TNS3: variants seen among roughly 807,000 people sequenced by gnomAD.
The protein encoded by TNS3 is tensin-3.
A neutral mutation model predicts 140.9 loss-of-function variants in TNS3; 45 were observed. The ratio of observed to expected loss-of-function variants is 0.32; its 90% CI spans 0.25 to 0.41. The LOEUF (loss-of-function observed/expected upper bound fraction) is 0.41. Among genes scored for constraint, TNS3 ranks in the 10% least tolerant of loss-of-function variants. TNS3 has a pLI of 1.00. For synonymous variants in TNS3, 815 were observed against 788.4 expected, an observed-to-expected ratio of 1.03 and a Z score of -0.56; for missense variants, 1,716 against 1,906.7, an observed-to-expected ratio of 0.90 and a Z score of 1.86.
chr7:47,486,817 T>G lies in TNS3; in HGVS notation c.-114-5676A>C, dbSNP rs143939500. Among the ~76,000 whole-genome samples, 33 of 152,360 alleles carry G rather than the reference T, an allele frequency of 2.2e-4. No individual in the cohort carries two copies. In the East Asian group the frequency reaches 2.5e-3, roughly 12 times the overall value. ...TAAACAGCCATATAGAAAGTGACATTTTTCCATCAGTTTCTCTAAAGCCGT... is the reference window on the plus strand; with the variant it reads ...TAAACAGCCATATAGAAAGTGACATGTTTCCATCAGTTTCTCTAAAGCCGT... On this transcript the variant is annotated intron_variant, in intron 3 of 30. Transcript: ENST00000311160.
rs1268020822 is a variant in TNS3, at chr7:47,368,879, C to A, written c.1767G>T (p.Trp589Cys). The change falls in exon 17 of 31, where the codon TGG (tryptophan) becomes TGT (cysteine). Residue 589 changes from tryptophan to cysteine, a missense_variant. Transcript: ENST00000311160. ...YGQSSYSTQT[W>C]VRQQQMVVAH... is the part of the protein sequence containing the mutation. ...CTACAACCATCTGCTGCTGGCGCAC[C>A]CAGGTCTGTGTGGAGTAGCTGCTCT... The A allele has an allele frequency of 1.2e-6, 2 of 1,613,754 alleles. No homozygotes were observed. Among genetic ancestry groups the A allele is most frequent in the African/African-American group, 2.7e-5 (2 of 75,050 alleles).
chr7:47,425,094 G>A (rs1159104098), intron 9 of TNS3, among the ~76,000 whole-genome samples: 4 of 152,174 alleles, frequency 2.6e-5, no homozygotes, highest in Non-Finnish European at 4.4e-5. Context: ...CAAGGCGGGC[G>A]GATCACCTGA....
intron 1 of TNS3, chr7:47,579,713 C>G (rs958868696): frequency 2.8e-6 from 1 of 353,104 alleles, no homozygotes. Context: ...CATTCAGATC[C>G]CTAACTGTTC....
intron 4 of TNS3, among the ~76,000 whole-genome samples, chr7:47,469,566 T>C (rs1157577648): frequency 2.0e-5 from 3 of 152,182 alleles, no homozygotes; most frequent in African/African-American, 4.8e-5. Flanking sequence ...CCCAAAGAAA[T>C]ATAGATCATT....
intron 16 of TNS3, among the ~76,000 whole-genome samples, chr7:47,383,249 C>G (rs1791879406): frequency 6.6e-6 from 1 of 152,170 alleles, no homozygotes; most frequent in African/African-American, 2.4e-5. Context: ...TGGAGCGTAA[C>G]AGGAATGCAG....
rs1355107350 is a variant in TNS3, at chr7:47,275,192, T to A, written c.*2884A>T. On this transcript the variant is annotated 3_prime_UTR_variant, in exon 31 of 31. Coordinates refer to ENST00000311160, the MANE Select transcript of TNS3 (RefSeq NM_022748.12). ...AATTTTATTATACTCTGAATAGAGA[T>A]GATATTTAAGGAGCAGAGAAAATGA... 1 of 152,626 alleles carries A rather than the reference T, an allele frequency of 6.6e-6. No homozygotes were observed. The highest frequency in any genetic ancestry group is 1.5e-5 in the Non-Finnish European group (1 of 68,042). The allele number at this position is 152,626 out of a possible 1,614,324, so 9.5% of individuals were successfully genotyped here.
chr7:47,470,724 G>A (rs1045121409), intron 4 of TNS3: 1 of 927,392 alleles, frequency 1.1e-6, no homozygotes. Context: ...CTCCTAGCCG[G>A]AGTGGGTTTT....
intron 24 of TNS3, 132 bp from the exon 25 acceptor site, chr7:47,293,960 A>G: frequency 1.2e-6 from 1 of 800,940 alleles, no homozygotes; most frequent in Admixed American, 2.3e-5. Flanking sequence ...AGTCACTGCA[A>G]AAGAGGCTGC....
intron 1 of TNS3, among the ~76,000 whole-genome samples, chr7:47,533,014 T>A (rs951857891): frequency 2.0e-5 from 3 of 149,398 alleles, no homozygotes; most frequent in African/African-American, 7.4e-5. Flanking sequence ...AGTAGCAGTA[T>A]GACAGATTCA....
chr7:47,444,131 C>T (rs1795604838), intron 4 of TNS3, among the ~76,000 whole-genome samples: 1 of 152,176 alleles, frequency 6.6e-6, no homozygotes, highest in Non-Finnish European at 1.5e-5. Context: ...CTCAGCTTAA[C>T]CAGGGTCCCA....
At chr7:47,460,423 C>A (rs1057083672) in intron 4 of TNS3, among the ~76,000 whole-genome samples, 2 of 152,262 alleles carry the variant, frequency 1.3e-5, no homozygotes, top group East Asian at 1.9e-4. Context: ...CTGCCCCGCA[C>A]GGTGGTGCTT....
chr7:47,395,865 T>C (rs529042116), intron 16 of TNS3, among the ~76,000 whole-genome samples: 1 of 152,322 alleles, frequency 6.6e-6, no homozygotes, highest in Admixed American at 6.5e-5. Flanking sequence ...ACAAGGCCTA[T>C]GAAGGAGCAA....
intron 20 of TNS3, among the ~76,000 whole-genome samples, chr7:47,340,590 T>TTTTTTTTCTTTTC (rs1414495981): frequency 1.1e-4 from 16 of 147,688 alleles, no homozygotes; most frequent in African/African-American, 3.7e-4. Context: ...TTTTTCTTTT[T>TTTTTTTTCTTTTC]TTTTTTTTTG....
chr7:47,506,124 C>A (rs367582023), intron 3 of TNS3, among the ~76,000 whole-genome samples: 1 of 152,188 alleles, frequency 6.6e-6, no homozygotes, highest in Non-Finnish European at 1.5e-5. Context: ...ACCTACAGAG[C>A]CCCCATAGGC....
chr7:47,470,569 C>T (rs975811209), intron 4 of TNS3: 7 of 985,262 alleles, frequency 7.1e-6, no homozygotes, highest in Non-Finnish European at 8.4e-6. Flanking sequence ...GCCTTTGGTG[C>T]GTCCAGCCCT....
In TNS3 at chr7:47,389,277, G is replaced by C. The variant is rs115537581; in HGVS notation, c.1024+7523C>G. Among the ~76,000 whole-genome samples, 1,271 of 152,134 alleles carry C rather than the reference G, an allele frequency of 8.4e-3. 13 individuals carry two copies. Among genetic ancestry groups the C allele is most frequent in the African/African-American group, 0.03 (1,232 of 41,526 alleles). On this transcript the variant is annotated intron_variant, in intron 16 of 30. Transcript: ENST00000311160. ...CCTTGTAGACCCGTCTGCATGCACA[G>C]GACACCCCGTCCAGTGGGATATCGG...
intron 20 of TNS3, among the ~76,000 whole-genome samples, chr7:47,321,922 T>G (rs1303107032): frequency 1.3e-5 from 2 of 152,146 alleles, no homozygotes; most frequent in Non-Finnish European, 2.9e-5. Context: ...GGGGACCCAC[T>G]GCTGAAGCTT....
rs373180399 is a variant in TNS3, at chr7:47,539,125, G to C, written c.-264-9978C>G. Reference sequence around the variant, plus strand: ...AGAAATCTGAATTCAGCAATGAACAGATAGCCCCCAGCAGGATAAAACTCC... The same window carrying C: ...AGAAATCTGAATTCAGCAATGAACACATAGCCCCCAGCAGGATAAAACTCC... On this transcript the variant is annotated intron_variant, in intron 1 of 30. Coordinates refer to ENST00000311160, the MANE Select transcript of TNS3 (RefSeq NM_022748.12). 240 of 456,688 alleles carry C rather than the reference G, an allele frequency of 5.3e-4. 1 individual carries two copies. The highest frequency in any genetic ancestry group is 4.5e-3 in the African/African-American group (227 of 50,188). The allele number at this position is 456,688 out of a possible 1,614,324, so 28.3% of individuals were successfully genotyped here.
intron 1 of TNS3, among the ~76,000 whole-genome samples, chr7:47,536,433 A>G (rs1799601513): frequency 6.6e-6 from 1 of 152,176 alleles, no homozygotes; most frequent in African/African-American, 2.4e-5. Flanking sequence ...TGGACCACAG[A>G]GCACCGCTGG....
Sources: gnomAD v4.1 joint callset for allele counts (sites outside exome capture counted in the v4.1 genomes callset) on GRCh38, gnomAD v4.1.1 for gene constraint, MANE v1.5 for transcripts, NCBI Gene and HGNC (gene_info 2026-07-23, HGNC 2026-07-21) for gene names.